The following WDFY3 variants were observed in gnomAD, a reference collection of about 807,000 sequenced individuals.
WDFY3 encodes the protein WD repeat and FYVE domain containing 3, also known as WD repeat and FYVE domain-containing protein 3.
A neutral mutation model predicts 409.6 loss-of-function variants in WDFY3; 66 were observed. The observed-to-expected ratio is 0.16, with a 90% CI of 0.13 to 0.20. WDFY3 has a LOEUF of 0.20. Ranked by LOEUF, WDFY3 falls within the 10% of genes least tolerant of loss-of-function variation. The pLI is 1.00. For synonymous variants in WDFY3, 1,521 were observed against 1,537.1 expected (o/e 0.99, Z 0.25); for missense variants, 3,031 against 4,298.1 (o/e 0.71, Z 8.24).
intron 36 of WDFY3, among the ~76,000 whole-genome samples, chr4:84,745,820 G>C (rs1308274303): frequency 2.0e-5 from 3 of 152,090 alleles, no homozygotes; most frequent in African/African-American, 7.2e-5. Flanking sequence ...GTCCTTTCAA[G>C]CCGATACTAC....
rs772888407 is a variant in WDFY3, at chr4:84,801,840, C to T, written c.2632G>A (p.Val878Met). The change falls in exon 17 of 68, where the codon GTG becomes ATG. Residue 878 changes from valine (V) to methionine (M), a missense_variant. Around this residue, in one of 16 missense-constraint regions of WDFY3, gnomAD observed 1,322 missense variants for 1,697.9 expected, o/e 0.78. Transcript: ENST00000295888. The part of the protein sequence containing the change: ...PEHALDLQLA[V>M]ANILQSLVHT... The stretch of plus-strand genomic sequence containing the variant: ...ACCAGGGATTGTAAAATATTTGCCA[C>T]GGCAAGTTGAAGATCCAAAGCATGC... 2 of 1,614,022 alleles carry T rather than the reference C, an allele frequency of 1.2e-6. No individual in the cohort carries two copies. The highest frequency in any genetic ancestry group is 1.1e-5 in the South Asian group (1 of 91,068).
chr4:84,673,020 TAG>T (rs1725669671), intron 67 of WDFY3, 29 bp from the exon 68 acceptor site: 1 of 1,613,058 alleles, frequency 6.2e-7, no homozygotes, highest in African/African-American at 1.3e-5. Context: ...CAATTAATTA[TAG>T]GTCTTCTCCA....
chr4:84,889,664 G>A (rs932085625), intron 3 of WDFY3, among the ~76,000 whole-genome samples: 7 of 152,080 alleles, frequency 4.6e-5, no homozygotes, highest in Non-Finnish European at 8.8e-5. Context: ...TCTATGTGAC[G>A]TCAGGAAAAG....
At chr4:84,674,659 G>T (rs1405696769) in intron 67 of WDFY3, among the ~76,000 whole-genome samples, 1 of 151,894 alleles carries the variant, frequency 6.6e-6, no homozygotes, top group East Asian at 2.0e-4. Flanking sequence ...CACAAGGTCA[G>T]GAGTTCGAGA....
intron 67 of WDFY3, among the ~76,000 whole-genome samples, chr4:84,676,733 G>C: frequency 6.6e-6 from 1 of 152,118 alleles, no homozygotes. Context: ...ACAATGTTGA[G>C]TAAGAAAGTT....
At chr4:84,810,846 T>A (rs1227278212) in intron 13 of WDFY3, among the ~76,000 whole-genome samples, 1 of 152,218 alleles carries the variant, frequency 6.6e-6, no homozygotes, top group South Asian at 2.1e-4. Flanking sequence ...GAAGACTTAT[T>A]AAACATTCTC....
chr4:84,757,783 T>C (rs574430137), intron 32 of WDFY3, among the ~76,000 whole-genome samples: 2 of 152,290 alleles, frequency 1.3e-5, no homozygotes, highest in South Asian at 2.1e-4. Context: ...ATATATTTCA[T>C]TGTCCTGAAA....
chr4:84,814,217 G>T (rs1223320652), intron 13 of WDFY3, among the ~76,000 whole-genome samples: 1 of 152,114 alleles, frequency 6.6e-6, no homozygotes, highest in Non-Finnish European at 1.5e-5. Flanking sequence ...ATTTGATGAA[G>T]TCAGACCCTT....
chr4:84,677,059 G>A, intron 67 of WDFY3, 140 bp downstream of exon 67: 1 of 955,526 alleles, frequency 1.0e-6, no homozygotes, highest in East Asian at 2.8e-5. Context: ...AAGAAGAACA[G>A]AAAAAGTGAA....
At chr4:84,832,082 A>C (rs147134343) in intron 7 of WDFY3, among the ~76,000 whole-genome samples, 6 of 152,178 alleles carry the variant, frequency 3.9e-5, no homozygotes, top group African/African-American at 1.4e-4. Context: ...AAAATTTAGA[A>C]TCAACCTAAG....
intron 64 of WDFY3, 142 bp downstream of exon 64, chr4:84,682,232 T>G: frequency 2.9e-6 from 2 of 679,084 alleles, no homozygotes; most frequent in South Asian, 4.1e-5. Flanking sequence ...CTCAAAGGAA[T>G]CACACAACAG....
At chr4:84,739,300 C>A (rs941009879) in intron 39 of WDFY3, 181 bp from the exon 40 acceptor site, 10 of 575,484 alleles carry the variant, frequency 1.7e-5, no homozygotes, top group Admixed American at 3.0e-5. Context: ...AATAAATCCA[C>A]CTGACTAAAT....
At chr4:84,765,706 T>G in intron 32 of WDFY3, 104 bp downstream of exon 32, 1 of 833,212 alleles carries the variant, frequency 1.2e-6, no homozygotes, top group Non-Finnish European at 1.8e-6. Flanking sequence ...AATTAATATC[T>G]CCTTAATGGT....
intron 6 of WDFY3, among the ~76,000 whole-genome samples, chr4:84,837,598 AAAG>A (rs1341103349): frequency 6.6e-6 from 1 of 152,210 alleles, no homozygotes; most frequent in East Asian, 1.9e-4. Flanking sequence ...TTGAGGCTGG[AAAG>A]ACACTTGAGT....
intron 2 of WDFY3, among the ~76,000 whole-genome samples, chr4:84,905,071 C>T (rs1766856896): frequency 6.6e-6 from 1 of 152,174 alleles, no homozygotes; most frequent in South Asian, 2.1e-4. Flanking sequence ...GGTCCCTACA[C>T]ACACCTGTAA....
At chr4:84,730,923 G>A (rs28572675) in intron 44 of WDFY3, among the ~76,000 whole-genome samples, 17 of 152,000 alleles carry the variant, frequency 1.1e-4, no homozygotes, top group Middle Eastern at 3.4e-3. Context: ...TCAGCCTCCC[G>A]AGTAGCTGGG....
At chr4:84,849,203 T>C (rs747446192) in intron 5 of WDFY3, among the ~76,000 whole-genome samples, 14 of 152,078 alleles carry the variant, frequency 9.2e-5, no homozygotes, top group Non-Finnish European at 1.6e-4. Flanking sequence ...GATGTTAAAA[T>C]GGCAGCTGTG....
chr4:84,794,993 G>A lies in WDFY3; in HGVS notation c.3168-14C>T. The A allele has an allele frequency of 6.6e-7, 1 of 1,521,922 alleles. No homozygotes were observed. The highest frequency in any genetic ancestry group is 8.8e-7 in the Non-Finnish European group (1 of 1,139,508). The allele number at this position is 1,521,922 out of a possible 1,614,324, so 94.3% of individuals were successfully genotyped here. ...AAAAAAAGACATCTATTAAAGAAAA[G>A]ACAACATACATATTAGAGATCAATG... is the stretch of plus-strand genomic sequence containing the variant. On this transcript the variant is annotated splice_polypyrimidine_tract_variant and intron_variant, in intron 19 of 67. Transcript: ENST00000295888.
At chr4:84,923,631 A>G (rs75479268) in intron 2 of WDFY3, among the ~76,000 whole-genome samples, 103 of 152,248 alleles carry the variant, frequency 6.8e-4, no homozygotes, top group African/African-American at 2.4e-3. Context: ...ATTCTTAATA[A>G]TGTTCATATC....
Sources: allele counts gnomAD v4.1 joint callset (sites outside exome capture counted in the v4.1 genomes callset), GRCh38; gene constraint gnomAD v4.1.1; regional missense constraint gnomAD v4.1.1; transcripts MANE v1.5; gene names NCBI Gene and HGNC (gene_info 2026-07-23, HGNC 2026-07-21).